The following XKR4 variants were observed in gnomAD, a reference collection of about 807,000 sequenced individuals.
The protein encoded by XKR4 is XK related 4.
XKR4 carries 12 observed loss-of-function variants against 53.9 expected under a neutral mutation model. The ratio of observed to expected loss-of-function variants is 0.22; its 90% CI spans 0.14 to 0.36. The LOEUF (loss-of-function observed/expected upper bound fraction) is 0.36, where lower values mean the gene tolerates loss of function less well. XKR4 is among the 10% of genes least tolerant of loss of function. XKR4 has a pLI of 1.00. For synonymous variants in XKR4, 354 were observed against 362.4 expected, an observed-to-expected ratio of 0.98 and a Z score of 0.26; for missense variants, 799 against 859.5, an observed-to-expected ratio of 0.93 and a Z score of 0.88.
chr8:55,408,859 T>C (rs940119099), intron 2 of XKR4, among the ~76,000 whole-genome samples: 9 of 151,906 alleles, frequency 5.9e-5, no homozygotes, highest in Non-Finnish European at 1.5e-5. Context: ...ATACAAAAAT[T>C]AGCAGGGCAT....
intron 1 of XKR4, among the ~76,000 whole-genome samples, chr8:55,213,926 A>G (rs1274515874): frequency 7.8e-6 from 1 of 127,584 alleles, no homozygotes; most frequent in African/African-American, 3.0e-5. Context: ...CAGTGGTGCA[A>G]TCTCCGCCCA....
chr8:55,333,212 T>A (rs1266530048), intron 1 of XKR4, among the ~76,000 whole-genome samples: 1 of 152,174 alleles, frequency 6.6e-6, no homozygotes, highest in East Asian at 1.9e-4. Flanking sequence ...GTTTAGTAAG[T>A]CTGATGCCTG....
chr8:55,366,794 T>C lies in XKR4; in HGVS notation c.1006+8917T>C, dbSNP rs558315385. Among the ~76,000 whole-genome samples the C allele has an allele frequency of 2.0e-5, 3 of 152,304 alleles. No individual in the cohort carries two copies. In the East Asian group the frequency reaches 5.8e-4, roughly 29 times the overall value. ...TACCACCTGCTCAATCACCCTGTTC[T>C]TGGAATTACCCTCTCTCTCCCTATT... is the stretch of plus-strand genomic sequence containing the variant. On this transcript the variant is annotated intron_variant, in intron 2 of 2. Coordinates refer to ENST00000327381, the MANE Select transcript of XKR4 (RefSeq NM_052898.2).
At chr8:55,375,937 T>C (rs1174275793) in intron 2 of XKR4, among the ~76,000 whole-genome samples, 1 of 152,118 alleles carries the variant, frequency 6.6e-6, no homozygotes, top group Non-Finnish European at 1.5e-5. Context: ...TGTCCACGTG[T>C]TCTCATTGTT....
At chr8:55,243,394 C>CT (rs1173092426) in intron 1 of XKR4, among the ~76,000 whole-genome samples, 3 of 152,152 alleles carry the variant, frequency 2.0e-5, no homozygotes, top group Admixed American at 6.5e-5. Context: ...ACAGTTTTGC[C>CT]TTTTTCAGTA....
At chr8:55,141,280 C>T (rs1374228173) in intron 1 of XKR4, among the ~76,000 whole-genome samples, 1 of 152,190 alleles carries the variant, frequency 6.6e-6, no homozygotes, top group Non-Finnish European at 1.5e-5. Context: ...TGCCTCCAGC[C>T]CCCTCTCCAG....
chr8:55,355,105 T>C (rs1039358659), intron 1 of XKR4, among the ~76,000 whole-genome samples: 4 of 152,012 alleles, frequency 2.6e-5, no homozygotes, highest in Non-Finnish European at 4.4e-5. Flanking sequence ...GGTTTCATCA[T>C]ATTGGTCAGG....
chr8:55,454,422 C>A, intron 2 of XKR4: 1 of 1,255,282 alleles, frequency 8.0e-7, no homozygotes. Context: ...CTCCTGCAGG[C>A]ATCGGTGAGC....
chr8:55,198,470 A>G (rs1817533084), intron 1 of XKR4, among the ~76,000 whole-genome samples: 1 of 151,928 alleles, frequency 6.6e-6, no homozygotes, highest in South Asian at 2.1e-4. Context: ...ATATAATGTT[A>G]TAAATAGGTG....
At position 55,102,128 on chromosome 8, in the gene XKR4, G is replaced by A. The variant is rs1816048666; in HGVS notation, c.-361G>A. Among the ~76,000 whole-genome samples, 3 of 150,924 alleles carry A rather than the reference G, an allele frequency of 2.0e-5. No individual in the cohort carries two copies. The highest frequency in any genetic ancestry group is 7.3e-5 in the African/African-American group (3 of 41,242). ...GTGCAGGTCCGAGGAGCGCCGCGGC[G>A]GCCGCTGCTGCTCCTGCTGCTGGCG... On this transcript the variant is annotated 5_prime_UTR_variant, in exon 1 of 3. Coordinates refer to ENST00000327381, the MANE Select transcript of XKR4 (RefSeq NM_052898.2). The surrounding 1 kb of genome is among the most constrained non-coding windows in gnomAD (Gnocchi z 5.1).
chr8:55,398,186 G>C (rs1413356410), intron 2 of XKR4, among the ~76,000 whole-genome samples: 1 of 152,004 alleles, frequency 6.6e-6, no homozygotes, highest in East Asian at 1.9e-4. Flanking sequence ...TCTCCAAAAG[G>C]GCTGCCTACA....
chr8:55,309,653 A>G (rs535165036), intron 1 of XKR4, among the ~76,000 whole-genome samples: 23 of 152,340 alleles, frequency 1.5e-4, no homozygotes, highest in Middle Eastern at 3.4e-3. Flanking sequence ...ATTATATTAT[A>G]GTTTTGCAAA....
chr8:55,299,215 G>A (rs1267616749), intron 1 of XKR4, among the ~76,000 whole-genome samples: 1 of 152,138 alleles, frequency 6.6e-6, no homozygotes, highest in Non-Finnish European at 1.5e-5. Context: ...GTCTGGCCCT[G>A]CTAATTTTAA....
At chr8:55,425,431 G>A (rs1012135570) in intron 2 of XKR4, among the ~76,000 whole-genome samples, 75 of 149,538 alleles carry the variant, frequency 5.0e-4, no homozygotes, top group Non-Finnish European at 1.0e-3. Context: ...TCATCATCTC[G>A]ATGACAACTA....
At chr8:55,324,785 T>G (rs1803269604) in intron 1 of XKR4, among the ~76,000 whole-genome samples, 1 of 152,214 alleles carries the variant, frequency 6.6e-6, no homozygotes, top group Non-Finnish European at 1.5e-5. Context: ...CACATAGATA[T>G]TAAGAGTCAG....
At chr8:55,269,645 A>G (rs1477770907) in intron 1 of XKR4, among the ~76,000 whole-genome samples, 1 of 152,188 alleles carries the variant, frequency 6.6e-6, no homozygotes, top group Admixed American at 6.5e-5. Context: ...AACAGCTCAG[A>G]GCCAAGTGTT....
intron 2 of XKR4, chr8:55,454,264 G>C: frequency 7.7e-7 from 1 of 1,305,500 alleles, no homozygotes; most frequent in Non-Finnish European, 1.1e-6. Flanking sequence ...CTACAATCAC[G>C]TCTAGCAGCT....
rs564649795 is a variant in XKR4, at chr8:55,536,455, C to G, written c.*12228C>G. 45 of 152,254 alleles carry G rather than the reference C, an allele frequency of 3.0e-4. 1 individual carries two copies. The South Asian group carries it at 4.1e-3, about 14-fold the overall frequency. 9.4% of individuals were successfully genotyped at this position (152,254 alleles called of 1,614,324 possible). ...AGACTGTCCACATGACTGCAAATAT[C>G]CTGATGAAAAGTGGCCAAGTAGATC... On this transcript the variant is annotated 3_prime_UTR_variant, in exon 3 of 3. Coordinates refer to ENST00000327381, the MANE Select transcript of XKR4 (RefSeq NM_052898.2).
intron 2 of XKR4, among the ~76,000 whole-genome samples, chr8:55,383,275 T>G (rs1460431207): frequency 1.3e-5 from 2 of 152,222 alleles, no homozygotes; most frequent in African/African-American, 2.4e-5. Context: ...TTGCATTTGA[T>G]GCGGCCTTTG....
Sources: gnomAD v4.1 joint callset for allele counts (sites outside exome capture counted in the v4.1 genomes callset) on GRCh38, gnomAD v4.1.1 for gene constraint, Gnocchi (gnomAD v3.1) non-coding constraint, MANE v1.5 for transcripts, NCBI Gene and HGNC (gene_info 2026-07-23, HGNC 2026-07-21) for gene names.